ASB18: variants seen among roughly 807,000 people sequenced by gnomAD.
ASB18 encodes ankyrin repeat and SOCS box protein 18.
A neutral mutation model predicts 33.4 loss-of-function variants in ASB18; 33 were observed. The observed-to-expected ratio is 0.99, with a 90% CI of 0.75 to 1.32. The LOEUF is 1.32. ASB18 is among the 40% of genes most tolerant of loss of function. ASB18 has a pLI of 0.00. For missense variants in ASB18, 694 were observed against 655.5 expected, an observed-to-expected ratio of 1.06 and a Z score of -0.64; for synonymous variants, 295 against 307.6, an observed-to-expected ratio of 0.96 and a Z score of 0.43.
At position 236,214,833 on chromosome 2, in the gene ASB18, C is replaced by T. The variant is rs1160010581; in HGVS notation, c.630G>A (p.Ser210=). The stretch of plus-strand genomic sequence containing the variant: ...GGCCCGTGCCGCCCACGCGCTGCAC[C>T]GAGGCCCCGTGCTCCAGCAGCGCCT... The part of the protein sequence containing the change: ...CAQALLEHGA[S]VQRVGGTGRD... The change falls in exon 4 of 6, where the codon TCG becomes TCA. Residue 210 remains serine (S), a synonymous_variant. Transcript: ENST00000409749. This position sits in a 1 kb window ranked among gnomAD's most constrained non-coding sequence, Gnocchi z 6.5. 4.4e-5 allele frequency: 53 copies of T among 1,213,300 alleles called. No homozygotes were observed. The highest frequency in any genetic ancestry group is 5.0e-5 in the Non-Finnish European group (49 of 975,930). 75.2% of individuals were successfully genotyped at this position (1,213,300 alleles called of 1,614,324 possible).
rs1375619998 is a variant in ASB18, at chr2:236,196,541, T to C, written c.1102-156A>G. On this transcript the variant is annotated intron_variant, in intron 4 of 5. Transcript: ENST00000409749. The surrounding 1 kb of genome is among the most constrained non-coding windows in gnomAD (Gnocchi z 5.6). ...CAGCAACAGAGCAGTACCACAGGGT[T>C]GCTGCAGGGATCACATGAATTAGTG... Among the ~76,000 whole-genome samples the C allele has an allele frequency of 6.6e-6, 1 of 152,120 alleles. No homozygotes were observed. The highest frequency in any genetic ancestry group is 1.5e-5 in the Non-Finnish European group (1 of 68,016).
chr2:236,261,102 C>T (rs1163033092), intron 1 of ASB18, among the ~76,000 whole-genome samples: 2 of 152,146 alleles, frequency 1.3e-5, no homozygotes, highest in African/African-American at 4.8e-5. Flanking sequence ...TATTCATCAC[C>T]ACAACCTTCC....
intron 3 of ASB18, among the ~76,000 whole-genome samples, chr2:236,232,071 T>C (rs992031379): frequency 1.3e-5 from 2 of 152,218 alleles, no homozygotes; most frequent in Non-Finnish European, 2.9e-5. Context: ...TTTTCTAGTA[T>C]ACATGAAACA....
In ASB18 at chr2:236,216,246, G is replaced by A. The variant is rs1456293725; in HGVS notation, c.597-1380C>T. On this transcript the variant is annotated intron_variant, in intron 3 of 5. Coordinates refer to ENST00000409749, the MANE Select transcript of ASB18 (RefSeq NM_212556.4). This position sits in a 1 kb window ranked among gnomAD's most constrained non-coding sequence, Gnocchi z 6.1. ...TGTTAAGGCCACCTCCTCATGCCTT[G>A]CTCTCCACTAACCACTCCTAATGTT... Among the ~76,000 whole-genome samples, 1 of 152,174 alleles carries A rather than the reference G, an allele frequency of 6.6e-6. No homozygotes were observed. The highest frequency in any genetic ancestry group is 1.5e-5 in the Non-Finnish European group (1 of 68,036).
In ASB18 at chr2:236,196,410, A is replaced by C. The variant is rs751508302; in HGVS notation, c.1102-25T>G. ...CCTGGTGGGAAGAGGTGAAAGACGC[A>C]GCGTAGGCCGACTGGGTTCTGGGTC... On this transcript the variant is annotated intron_variant, in intron 4 of 5. Transcript: ENST00000409749. This position sits in a 1 kb window ranked among gnomAD's most constrained non-coding sequence, Gnocchi z 5.6. 1 of 1,337,588 alleles carries C rather than the reference A, an allele frequency of 7.5e-7. No homozygotes were observed. The allele number at this position is 1,337,588 out of a possible 1,614,324, so 82.9% of individuals were successfully genotyped here.
In ASB18 at chr2:236,259,035, TG is replaced by T. The variant is rs2060706306; in HGVS notation, c.205+5105del. Among the ~76,000 whole-genome samples, 1 of 152,176 alleles carries T rather than the reference TG, an allele frequency of 6.6e-6. No individual in the cohort carries two copies. Among genetic ancestry groups the T allele is most frequent in the Non-Finnish European group, 1.5e-5 (1 of 68,028 alleles). On this transcript the variant is annotated intron_variant, in intron 1 of 5. Coordinates refer to ENST00000409749, the MANE Select transcript of ASB18 (RefSeq NM_212556.4). The surrounding 1 kb of genome is among the most constrained non-coding windows in gnomAD (Gnocchi z 4.4). ...TACCAAATTGTACAGTTGATGCATT[TG>T]GGGGGCGAGATGGGTCTCACTGCCC...
chr2:236,217,424 A>AAAAAAAAAAAAAAT lies in ASB18; in HGVS notation c.597-2559_597-2558insATTTTTTTTTTTTT, dbSNP rs1553600511. On this transcript the variant is annotated intron_variant, in intron 3 of 5. Coordinates refer to ENST00000409749, the MANE Select transcript of ASB18 (RefSeq NM_212556.4). This position sits in a 1 kb window ranked among gnomAD's most constrained non-coding sequence, Gnocchi z 5.2. Reference sequence around the variant, plus strand: ...CGAGACTCTGTCTCAAAAAAAAAAAAAAATAAATCTTGGCACCTTCAACTC... The same window carrying AAAAAAAAAAAAAAT: ...CGAGACTCTGTCTCAAAAAAAAAAAAAAAAAAAAAAAAATAAATAAATCTTGGCACCTTCAACTC... 1.3e-5 allele frequency among the ~76,000 whole-genome samples: 2 copies of AAAAAAAAAAAAAAT among 150,306 alleles called. No individual in the cohort carries two copies. Among genetic ancestry groups the AAAAAAAAAAAAAAT allele is most frequent in the African/African-American group, 4.9e-5 (2 of 40,404 alleles).
At chr2:236,230,137 T>C (rs1055544595) in intron 3 of ASB18, among the ~76,000 whole-genome samples, 2 of 151,874 alleles carry the variant, frequency 1.3e-5, no homozygotes, top group Non-Finnish European at 2.9e-5. Flanking sequence ...AAGGGGATAG[T>C]AGATTTCTCA....
intron 4 of ASB18, among the ~76,000 whole-genome samples, chr2:236,206,411 A>C (rs1429652183): frequency 6.6e-6 from 1 of 152,150 alleles, no homozygotes; most frequent in Non-Finnish European, 1.5e-5. Context: ...ATGAACAAGG[A>C]AACGGGCCCA....
rs1447424663 is a variant in ASB18 at position 236,234,417 on chromosome 2, C to A, written c.596+3272G>T. Among the ~76,000 whole-genome samples the A allele has an allele frequency of 6.6e-5, 10 of 152,190 alleles. No homozygotes were observed. Among genetic ancestry groups the A allele is most frequent in the African/African-American group, 2.4e-5 (1 of 41,444 alleles). On this transcript the variant is annotated intron_variant, in intron 3 of 5. Transcript: ENST00000409749. The surrounding 1 kb of genome is among the most constrained non-coding windows in gnomAD (Gnocchi z 4.1). ...TGGGGTATTCTTCAATTTGTGTTGACATCATCCAGCCCCTTTTGTCTAGGT... is the reference window on the plus strand; with the variant it reads ...TGGGGTATTCTTCAATTTGTGTTGAAATCATCCAGCCCCTTTTGTCTAGGT...
rs1438921592 is a variant in ASB18, at chr2:236,193,462, T to C, written c.*1410A>G. ...ACATATACAGTAGGTCCTTAAATAA[T>C]GTTTTGTTTAATGTCATTTTATTAT... On this transcript the variant is annotated 3_prime_UTR_variant, in exon 6 of 6. Coordinates refer to ENST00000409749, the MANE Select transcript of ASB18 (RefSeq NM_212556.4). The surrounding 1 kb of genome is among the most constrained non-coding windows in gnomAD (Gnocchi z 5.0). Among the ~76,000 whole-genome samples the C allele has an allele frequency of 2.0e-5, 3 of 152,190 alleles. No individual in the cohort carries two copies. The highest frequency in any genetic ancestry group is 7.2e-5 in the African/African-American group (3 of 41,426).
At chr2:236,236,721 TG>T (rs553363147) in intron 3 of ASB18, among the ~76,000 whole-genome samples, 1 of 152,196 alleles carries the variant, frequency 6.6e-6, no homozygotes, top group South Asian at 2.1e-4. Flanking sequence ...CTGCCCCTGC[TG>T]GGCAGGACAT....
At chr2:236,202,751 C>T (rs2060410334) in intron 4 of ASB18, among the ~76,000 whole-genome samples, 1 of 141,514 alleles carries the variant, frequency 7.1e-6, no homozygotes, top group African/African-American at 2.7e-5. Flanking sequence ...TGCACTCCAG[C>T]CTGGCGACAG....
chr2:236,198,762 G>A (rs56257332), intron 4 of ASB18, among the ~76,000 whole-genome samples: 26,130 of 152,098 alleles, frequency 0.17, 2,261 homozygotes, highest in South Asian at 0.25. Context: ...CTATTGGTGT[G>A]TTCATTTCTT....
Position 236,215,718 on chromosome 2 carries a change from C to T in ASB18, c.597-852G>A, listed in dbSNP as rs1042918095. On this transcript the variant is annotated intron_variant, in intron 3 of 5. Coordinates refer to ENST00000409749, the MANE Select transcript of ASB18 (RefSeq NM_212556.4). This position sits in a 1 kb window ranked among gnomAD's most constrained non-coding sequence, Gnocchi z 7.2. ...GAGAAGTGTGCCCCAGCCTGGAAGC[C>T]GGAAGACAGTCATACAGACCCTCTG... Among the ~76,000 whole-genome samples the T allele has an allele frequency of 1.2e-4, 19 of 152,078 alleles. No homozygotes were observed. Among genetic ancestry groups the T allele is most frequent in the Non-Finnish European group, 1.6e-4 (11 of 68,028 alleles).
Position 236,249,367 on chromosome 2 carries a change from T to A in ASB18, c.206-7965A>T, listed in dbSNP as rs959499808. 2.0e-5 allele frequency: 3 copies of A among 152,234 alleles called. No individual in the cohort carries two copies. Among genetic ancestry groups the A allele is most frequent in the African/African-American group, 7.2e-5 (3 of 41,446 alleles). The allele number at this position is 152,234 out of a possible 1,614,324, so 9.4% of individuals were successfully genotyped here. ...AGCCCACTAACAGCATCACTTAGTGTATCTGGCAATCACACTGAGGATGTG... is the reference window on the plus strand; with the variant it reads ...AGCCCACTAACAGCATCACTTAGTGAATCTGGCAATCACACTGAGGATGTG... On this transcript the variant is annotated intron_variant, in intron 1 of 5. Transcript: ENST00000409749. The surrounding 1 kb of genome is among the most constrained non-coding windows in gnomAD (Gnocchi z 4.6).
chr2:236,234,221 T>C lies in ASB18; in HGVS notation c.596+3468A>G, dbSNP rs553584407. ...GTTGGAAGCTTGTAAGGAGTTGCTA[T>C]AAGACCCTTGCCCCCTCCCCTGGCT... On this transcript the variant is annotated intron_variant, in intron 3 of 5. Transcript: ENST00000409749. This position sits in a 1 kb window ranked among gnomAD's most constrained non-coding sequence, Gnocchi z 4.1. 2.6e-5 allele frequency among the ~76,000 whole-genome samples: 4 copies of C among 152,262 alleles called. No individual in the cohort carries two copies. In the East Asian group the frequency reaches 7.7e-4, roughly 29 times the overall value.
In ASB18 at chr2:236,257,843, T is replaced by G. The variant is rs2060700049; in HGVS notation, c.205+6298A>C. Among the ~76,000 whole-genome samples the G allele has an allele frequency of 6.6e-6, 1 of 152,176 alleles. No homozygotes were observed. Among genetic ancestry groups the G allele is most frequent in the Admixed American group, 6.5e-5 (1 of 15,282 alleles). On this transcript the variant is annotated intron_variant, in intron 1 of 5. Transcript: ENST00000409749. The surrounding 1 kb of genome is among the most constrained non-coding windows in gnomAD (Gnocchi z 5.5). ...CACTGGGTTTACAGTGCCAATTGTC[T>G]GTGGAACCCAAGGTGTGTCATGCAA... is the stretch of plus-strand genomic sequence containing the variant.
Position 236,239,285 on chromosome 2 carries a change from G to A in ASB18, c.329-1329C>T, listed in dbSNP as rs932549961. Among the ~76,000 whole-genome samples the A allele has an allele frequency of 3.4e-5, 5 of 148,210 alleles. No individual in the cohort carries two copies. The highest frequency in any genetic ancestry group is 6.7e-5 in the Admixed American group (1 of 14,984). ...TGGGAAATGCTAAATCCCCAACCCA[G>A]CCCCACCCTACCCTAGCGCTCAGTA... On this transcript the variant is annotated intron_variant, in intron 2 of 5. Coordinates refer to ENST00000409749, the MANE Select transcript of ASB18 (RefSeq NM_212556.4). This position sits in a 1 kb window ranked among gnomAD's most constrained non-coding sequence, Gnocchi z 5.6.
Sources: allele counts gnomAD v4.1 joint callset (sites outside exome capture counted in the v4.1 genomes callset), GRCh38; gene constraint gnomAD v4.1.1; non-coding constraint Gnocchi (gnomAD v3.1); transcripts MANE v1.5; gene names NCBI Gene and HGNC (gene_info 2026-07-23, HGNC 2026-07-21).